Variants in NCAPG2 observed in about 807,000 individuals in gnomAD.
NCAPG2 encodes non-SMC condensin II complex subunit G2, also known as condensin-2 complex subunit G2.
NCAPG2 carries 53 observed loss-of-function variants against 141.1 expected under a neutral mutation model. That is an observed-to-expected ratio of 0.38 (90% CI 0.30 to 0.47). NCAPG2 has a LOEUF of 0.47. Among genes scored for constraint, NCAPG2 ranks in the 20% least tolerant of loss-of-function variants. The probability of loss-of-function intolerance (pLI) is 0.99; values close to 1 mark genes in which losing one functional copy is unlikely to be tolerated. For missense variants in NCAPG2, 1,087 were observed against 1,389.0 expected (o/e 0.78, Z 3.46); for synonymous variants, 499 against 490.7 (o/e 1.02, Z -0.22).
intron 13 of NCAPG2, among the ~76,000 whole-genome samples, chr7:158,669,681 A>C (rs1387370121): frequency 6.7e-6 from 1 of 148,856 alleles, no homozygotes; most frequent in Non-Finnish European, 1.5e-5. Context: ...AGGCAGGAGA[A>C]TCACTTGAAG....
At chr7:158,700,130 TTGA>T (rs1156855458) in intron 2 of NCAPG2, among the ~76,000 whole-genome samples, 6 of 152,228 alleles carry the variant, frequency 3.9e-5, no homozygotes, top group Non-Finnish European at 5.9e-5. Flanking sequence ...GTCATTCAAC[TTGA>T]TGAAACCACG....
intron 22 of NCAPG2, among the ~76,000 whole-genome samples, chr7:158,653,509 A>G (rs142596306): frequency 1.7e-4 from 26 of 152,318 alleles, no homozygotes; most frequent in Middle Eastern, 3.4e-3. Flanking sequence ...TTAAAGATTA[A>G]CTAAGACACT....
At chr7:158,662,832 G>C (rs1392425116) in intron 15 of NCAPG2, among the ~76,000 whole-genome samples, 1 of 152,132 alleles carries the variant, frequency 6.6e-6, no homozygotes, top group East Asian at 1.9e-4. Context: ...TCACAGAAAG[G>C]ACACAGTCTC....
At chr7:158,679,607 TCTGACCCCAGAGAGCAGGGGG>T (rs1834317211) in intron 11 of NCAPG2, among the ~76,000 whole-genome samples, 2 of 152,340 alleles carry the variant, frequency 1.3e-5, no homozygotes, top group Admixed American at 6.5e-5. Flanking sequence ...AGTGGTGGAC[TCTGACCCCAGAGAGCAGGGGG>T]CTGACACCAG....
rs935819568 is a variant in NCAPG2 at position 158,654,919 on chromosome 7, T to A, written c.2646+199A>T. The stretch of plus-strand genomic sequence containing the variant: ...CACAAACATAATCGAACACCTCTTA[T>A]ATGTAATGTATAAAATTACACTGAA... On this transcript the variant is annotated intron_variant, in intron 21 of 27. Coordinates refer to ENST00000356309, the MANE Select transcript of NCAPG2 (RefSeq NM_017760.7). The A allele has an allele frequency of 5.4e-6, 6 of 1,102,204 alleles. No homozygotes were observed. The East Asian group carries it at 1.6e-4, about 29-fold the overall frequency. 68.3% of individuals were successfully genotyped at this position (1,102,204 alleles called of 1,614,324 possible). A position where few individuals can be genotyped will look rare whatever the true frequency, so the allele number is the denominator to read the frequency against.
intron 10 of NCAPG2, 38 bp downstream of exon 10, chr7:158,680,683 T>C: frequency 3.0e-6 from 4 of 1,350,634 alleles, no homozygotes; most frequent in Non-Finnish European, 4.0e-6. Context: ...GCACAAGTAG[T>C]ACATTCCAAA....
At chr7:158,673,623 G>C (rs1379241805) in intron 12 of NCAPG2, among the ~76,000 whole-genome samples, 2 of 152,206 alleles carry the variant, frequency 1.3e-5, no homozygotes, top group African/African-American at 4.8e-5. Context: ...GCTGTGGATA[G>C]TCTGAATCTC....
chr7:158,681,241 C>A (rs978396596), intron 9 of NCAPG2, among the ~76,000 whole-genome samples: 2 of 152,222 alleles, frequency 1.3e-5, no homozygotes. Context: ...CATGTGGTAA[C>A]TGTTTCATAA....
chr7:158,637,939 T>A (rs1188138601), intron 27 of NCAPG2, among the ~76,000 whole-genome samples: 1 of 150,568 alleles, frequency 6.6e-6, no homozygotes, highest in African/African-American at 2.4e-5. Flanking sequence ...AGGCCAGGAG[T>A]TCAAGACCAG....
intron 27 of NCAPG2, among the ~76,000 whole-genome samples, chr7:158,642,697 T>C (rs12671416): frequency 0.14 from 21,953 of 152,022 alleles, 2,011 homozygotes; most frequent in East Asian, 0.39. Flanking sequence ...CATCTAAACT[T>C]CCACCTTCGG....
chr7:158,655,614 G>A (rs1407926457), intron 19 of NCAPG2, among the ~76,000 whole-genome samples, 159 bp from the exon 20 acceptor site: 1 of 5,804 alleles, frequency 1.7e-4, no homozygotes, highest in East Asian at 7.8e-3. Flanking sequence ...CGGACATGAG[G>A]TGCTGGGTGG....
At chr7:158,634,069 T>C (rs1563483140) in intron 27 of NCAPG2, among the ~76,000 whole-genome samples, 1 of 152,154 alleles carries the variant, frequency 6.6e-6, no homozygotes, top group Non-Finnish European at 1.5e-5. Context: ...TACTCAAAAA[T>C]AATATTGTCT....
chr7:158,632,202 C>T (rs561770552), intron 27 of NCAPG2, among the ~76,000 whole-genome samples: 2 of 152,290 alleles, frequency 1.3e-5, no homozygotes, highest in Admixed American at 6.5e-5. Context: ...ACATCCCTGT[C>T]CCTCAAGGCG....
intron 27 of NCAPG2, among the ~76,000 whole-genome samples, chr7:158,643,863 G>A (rs545923983): frequency 8.5e-5 from 13 of 152,332 alleles, no homozygotes; most frequent in African/African-American, 3.1e-4. Flanking sequence ...GCTGTGCGTA[G>A]CAATGGGCTG....
intron 16 of NCAPG2, among the ~76,000 whole-genome samples, chr7:158,661,624 T>C (rs1032797504): frequency 6.6e-6 from 1 of 152,326 alleles, no homozygotes; most frequent in Non-Finnish European, 1.5e-5. Context: ...ACAGAAATGG[T>C]AAGTATGTGA....
chr7:158,639,357 C>T (rs1178519825), intron 27 of NCAPG2, among the ~76,000 whole-genome samples: 1 of 152,180 alleles, frequency 6.6e-6, no homozygotes, highest in East Asian at 1.9e-4. Context: ...ATTCACCTGC[C>T]TTGGCCTCCC....
chr7:158,675,951 G>A (rs1218868549), intron 11 of NCAPG2, among the ~76,000 whole-genome samples: 3 of 152,196 alleles, frequency 2.0e-5, no homozygotes, highest in Non-Finnish European at 4.4e-5. Context: ...CATGGCAGGT[G>A]TTCAGATTAG....
chr7:158,647,076 A>C (rs1369879128), intron 24 of NCAPG2, among the ~76,000 whole-genome samples: 1 of 152,196 alleles, frequency 6.6e-6, no homozygotes, highest in Non-Finnish European at 1.5e-5. Flanking sequence ...TCAGTGAGAC[A>C]AAAATAAAGA....
chr7:158,655,691 G>T, intron 19 of NCAPG2, among the ~76,000 whole-genome samples: 1 of 152,294 alleles, frequency 6.6e-6, no homozygotes, highest in Admixed American at 6.5e-5. Flanking sequence ...CCTGCACGCA[G>T]CACCACCCGT....
Sources: allele counts gnomAD v4.1 joint callset (sites outside exome capture counted in the v4.1 genomes callset), GRCh38; gene constraint gnomAD v4.1.1; transcripts MANE v1.5; gene names NCBI Gene and HGNC (gene_info 2026-07-23, HGNC 2026-07-21).